SPG7: variants seen among roughly 807,000 people sequenced by gnomAD.
SPG7 encodes the protein mitochondrial inner membrane m-AAA protease component paraplegin.
A neutral mutation model predicts 81.9 loss-of-function variants in SPG7; 103 were observed. The ratio of observed to expected loss-of-function variants is 1.26; its 90% CI spans 1.07 to 1.48. SPG7 has a LOEUF of 1.48. Ranked by LOEUF, SPG7 falls within the 40% of genes most tolerant of loss-of-function variation. The pLI is 0.00. For missense variants in SPG7, 1,241 were observed against 1,087.3 expected, an observed-to-expected ratio of 1.14 and a Z score of -1.99; for synonymous variants, 534 against 444.2, an observed-to-expected ratio of 1.20 and a Z score of -2.54.
chr16:89,553,505 T>G (rs1434855484), intron 14 of SPG7: 4 of 533,804 alleles, frequency 7.5e-6, no homozygotes, highest in Non-Finnish European at 1.4e-5. Flanking sequence ...GTCCATGGGT[T>G]TGCCTCGCAT....
intron 2 of SPG7, among the ~76,000 whole-genome samples, chr16:89,511,487 C>T (rs1227361979): frequency 6.6e-6 from 1 of 152,218 alleles, no homozygotes; most frequent in Non-Finnish European, 1.5e-5. Context: ...TTTGTGCCAA[C>T]ACATGGGTAG....
At chr16:89,543,347 C>CTTTTTTTTTCTT (rs2058522977) in intron 9 of SPG7, 1 of 108,964 alleles carries the variant, frequency 9.2e-6, no homozygotes, top group South Asian at 3.3e-4. Flanking sequence ...GGACCTTTTC[C>CTTTTTTTTTCTT]TTTTTTTTTT....
chr16:89,511,460 A>C (rs554434413), intron 2 of SPG7, among the ~76,000 whole-genome samples: 21 of 152,304 alleles, frequency 1.4e-4, no homozygotes, highest in Admixed American at 7.8e-4. Flanking sequence ...TTCTACTCCT[A>C]ACTAACATTA....
intron 9 of SPG7, chr16:89,537,208 T>C: frequency 2.1e-6 from 3 of 1,429,216 alleles, no homozygotes; most frequent in Non-Finnish European, 2.7e-6. Flanking sequence ...CGTGGGGAAA[T>C]CTCACTGGGG....
intron 5 of SPG7, 177 bp downstream of exon 5, chr16:89,526,645 T>A: frequency 1.5e-6 from 1 of 679,764 alleles, no homozygotes; most frequent in Non-Finnish European, 2.6e-6. Flanking sequence ...TTTGGAAATA[T>A]AGTTATCCCT....
In SPG7 at chr16:89,532,423, A is replaced by G. The variant is rs1337827194; in HGVS notation, c.1151-40A>G. On this transcript the variant is annotated intron_variant, in intron 8 of 16. Coordinates refer to ENST00000645818, the MANE Select transcript of SPG7 (RefSeq NM_003119.4). ...GGTACAGGAAGAGGCTTTGTTTTTT[A>G]TTAACTGCCCATTTCCTGATTCTCT... is the stretch of plus-strand genomic sequence containing the variant. 3 of 1,611,088 alleles carry G rather than the reference A, an allele frequency of 1.9e-6. No individual in the cohort carries two copies. In the South Asian group the frequency reaches 3.3e-5, roughly 18 times the overall value.
chr16:89,536,588 G>A (rs2058425259), intron 9 of SPG7, among the ~76,000 whole-genome samples: 1 of 148,274 alleles, frequency 6.7e-6, no homozygotes, highest in Non-Finnish European at 1.5e-5. Context: ...AGGCGGGTGA[G>A]GTGAGGCAGG....
intron 9 of SPG7, chr16:89,537,041 A>G (rs2058434406): frequency 3.4e-5 from 54 of 1,602,174 alleles, no homozygotes; most frequent in Non-Finnish European, 4.4e-5. Flanking sequence ...AGGCCTGGGA[A>G]TCCGCTGACT....
At chr16:89,530,930 T>C (rs112429938) in intron 7 of SPG7, 122 bp downstream of exon 7, 2 of 1,345,056 alleles carry the variant, frequency 1.5e-6, no homozygotes, top group Non-Finnish European at 2.1e-6. Flanking sequence ...CGGTGACCTC[T>C]ACCATGTCCC....
chr16:89,526,304 G>A, intron 4 of SPG7, 25 bp from the exon 5 acceptor site: 1 of 1,613,600 alleles, frequency 6.2e-7, no homozygotes, highest in Non-Finnish European at 8.5e-7. Flanking sequence ...GTTTCTCATG[G>A]TCCCCTCTCC....
chr16:89,520,372 TAG>T, intron 3 of SPG7: 1 of 183,072 alleles, frequency 5.5e-6, no homozygotes, highest in Non-Finnish European at 1.1e-5. Context: ...CTTTTATACC[TAG>T]AGTGCTTTTG....
At position 89,547,753 on chromosome 16, in the gene SPG7, C is replaced by G. The variant is rs149784975; in HGVS notation, c.1553-250C>G. On this transcript the variant is annotated intron_variant, in intron 11 of 16. Transcript: ENST00000645818. Reference sequence around the variant, plus strand: ...TCAGCCTCCTGAGTAGCTGGGATTACAGGCGCTCACCACCACGCCCGGCTA... The same window carrying G: ...TCAGCCTCCTGAGTAGCTGGGATTAGAGGCGCTCACCACCACGCCCGGCTA... 368 of 450,372 alleles carry G rather than the reference C, an allele frequency of 8.2e-4. 1 individual carries two copies. The highest frequency in any genetic ancestry group is 6.7e-3 in the African/African-American group (337 of 50,072). 27.9% of individuals were successfully genotyped at this position (450,372 alleles called of 1,614,324 possible).
In SPG7 at chr16:89,513,046, A is replaced by T. The variant is rs370310440; in HGVS notation, c.376+9A>T. ...GCCTGAAGAGGACGAAGGTATATTC[A>T]TCTGATGTTCTTCAGTCAGTAGCTG... On this transcript the variant is annotated intron_variant, in intron 3 of 16. Coordinates refer to ENST00000645818, the MANE Select transcript of SPG7 (RefSeq NM_003119.4). 2 of 1,598,844 alleles carry T rather than the reference A, an allele frequency of 1.3e-6. No homozygotes were observed. The highest frequency in any genetic ancestry group is 2.7e-5 in the African/African-American group (2 of 74,620).
intron 10 of SPG7, chr16:89,546,025 G>C: frequency 2.6e-6 from 1 of 380,788 alleles, no homozygotes; most frequent in South Asian, 1.9e-5. Context: ...TCGCTGTGTT[G>C]CCAAGGCTGG....
chr16:89,551,717 C>T (rs1317484930), intron 13 of SPG7: 1 of 152,194 alleles, frequency 6.6e-6, no homozygotes, highest in East Asian at 1.9e-4. Flanking sequence ...GGTGAAACCC[C>T]ATCTCTACCA....
At chr16:89,532,720 A>C in intron 9 of SPG7, 84 bp downstream of exon 9, 1 of 1,537,948 alleles carries the variant, frequency 6.5e-7, no homozygotes, top group South Asian at 1.1e-5. Flanking sequence ...TGGTGAGCCA[A>C]GATCGTGTCA....
At chr16:89,539,742 A>C (rs1305256935) in intron 9 of SPG7, 1 of 151,870 alleles carries the variant, frequency 6.6e-6, no homozygotes, top group African/African-American at 2.4e-5. Context: ...CTAATTAAAA[A>C]AGAATTTTTT....
Position 89,524,239 on chromosome 16 carries a change from G to A in SPG7, c.610G>A (p.Gly204Arg). 1 of 1,610,876 alleles carries A rather than the reference G, an allele frequency of 6.2e-7. No homozygotes were observed. The highest frequency in any genetic ancestry group is 8.5e-7 in the Non-Finnish European group (1 of 1,178,410). Residue 204 changes from glycine (G) to arginine (R), a missense_variant, in exon 4 of 17, where the codon GGG becomes AGG. Gly to Arg is a moderately radical substitution (Grantham distance 125, BLOSUM62 -2). Transcript: ENST00000645818. ...CCTGCACCCTGGAGCCGTGGTGTTT[G>A]GGCGGCCTGTGAGTGAGGGTGCGGG... ...VYLHPGAVVF[G>R]RPRLALMYRM...
intron 3 of SPG7, chr16:89,519,613 C>T (rs1452884370): frequency 1.3e-5 from 2 of 151,954 alleles, no homozygotes; most frequent in Non-Finnish European, 2.9e-5. Context: ...GACTCCCGAC[C>T]TCAGGTGATG....
Sources: gnomAD v4.1 joint callset for allele counts (sites outside exome capture counted in the v4.1 genomes callset) on GRCh38, gnomAD v4.1.1 for gene constraint, MANE v1.5 for transcripts, NCBI Gene and HGNC (gene_info 2026-07-23, HGNC 2026-07-21) for gene names.